PARP6: variants seen among roughly 807,000 people sequenced by gnomAD.
PARP6 encodes protein mono-ADP-ribosyltransferase PARP6.
In PARP6, 27 loss-of-function variants were observed where a neutral mutation model predicts 92.0. The observed-to-expected ratio is 0.29, with a 90% CI of 0.22 to 0.40. PARP6 has a LOEUF of 0.40. Ranked by LOEUF, PARP6 falls within the 10% of genes least tolerant of loss-of-function variation. The pLI, the probability that PARP6 is intolerant of heterozygous loss-of-function variation, is 1.00. For missense variants in PARP6, 501 were observed against 784.5 expected, an observed-to-expected ratio of 0.64 and a Z score of 4.32; for synonymous variants, 272 against 281.2, an observed-to-expected ratio of 0.97 and a Z score of 0.33.
At chr15:72,254,374 C>T (rs1043795508) in intron 15 of PARP6, 81 bp downstream of exon 15, 2 of 977,258 alleles carry the variant, frequency 2.0e-6, no homozygotes, top group South Asian at 1.3e-5. Context: ...AAATCTTCAT[C>T]CCACTCCCAC....
intron 17 of PARP6, 57 bp from the exon 18 acceptor site, chr15:72,251,011 AG>A (rs2084276926): frequency 7.6e-7 from 1 of 1,314,468 alleles, no homozygotes; most frequent in Non-Finnish European, 1.1e-6. Flanking sequence ...GAGATCAGGG[AG>A]GGAAGGGTTG....
At chr15:72,250,812 C>A (rs2084246465) in intron 18 of PARP6, 33 bp downstream of exon 18, 53 of 995,872 alleles carry the variant, frequency 5.3e-5, no homozygotes, top group Non-Finnish European at 7.2e-5. Context: ...CGCCCCCTCA[C>A]CACCCCCACT....
rs544659105 is a variant in PARP6 at position 72,256,146 on chromosome 15, C to T, written c.1125+319G>A. On this transcript the variant is annotated intron_variant, in intron 14 of 23. Transcript: ENST00000569795. ...GCAAAATAAATATTATCCCTTTTTA[C>T]AAGATAAGGAGATTGAAGTTTAGAA... 2.6e-5 allele frequency among the ~76,000 whole-genome samples: 4 copies of T among 152,112 alleles called. No individual in the cohort carries two copies. The South Asian group carries it at 8.3e-4, about 32-fold the overall frequency.
At chr15:72,264,390 T>C (rs2086289073) in intron 8 of PARP6, among the ~76,000 whole-genome samples, 165 bp downstream of exon 8, 1 of 152,212 alleles carries the variant, frequency 6.6e-6, no homozygotes, top group African/African-American at 2.4e-5. Flanking sequence ...CTCCACAAGC[T>C]TAAATCTGGC....
chr15:72,270,682 C>T (rs1417734836), intron 2 of PARP6, among the ~76,000 whole-genome samples: 1 of 152,216 alleles, frequency 6.6e-6, no homozygotes, highest in Non-Finnish European at 1.5e-5. Context: ...TCTTCCAGAT[C>T]TCTGCTCAAA....
intron 14 of PARP6, 152 bp downstream of exon 14, chr15:72,256,313 T>G: frequency 1.9e-6 from 1 of 534,650 alleles, no homozygotes; most frequent in Non-Finnish European, 3.0e-6. Context: ...TGTGTCAAAC[T>G]TGGCTATTTA....
chr15:72,271,896 CA>C (rs1204847044), intron 1 of PARP6, among the ~76,000 whole-genome samples: 6 of 152,184 alleles, frequency 3.9e-5, no homozygotes, highest in Admixed American at 2.0e-4. Context: ...GTCTGGATCA[CA>C]AAGGTCTTTC....
intron 2 of PARP6, among the ~76,000 whole-genome samples, chr15:72,268,959 AAAAAC>A (rs1210999507): frequency 6.6e-6 from 1 of 152,202 alleles, no homozygotes; most frequent in African/African-American, 2.4e-5. Flanking sequence ...CATATAGCAG[AAAAAC>A]AAAACAAAAC....
intron 2 of PARP6, among the ~76,000 whole-genome samples, chr15:72,269,917 AAG>A (rs1361606577): frequency 1.0e-3 from 138 of 133,330 alleles, no homozygotes; most frequent in Middle Eastern, 4.2e-3. Flanking sequence ...AAAAAAAAAA[AAG>A]AAAAAGAAAA....
At chr15:72,248,403 G>A (rs1460596487) in intron 20 of PARP6, among the ~76,000 whole-genome samples, 1 of 150,730 alleles carries the variant, frequency 6.6e-6, no homozygotes, top group African/African-American at 2.4e-5. Context: ...GTGCAGTGGT[G>A]CAATCTCAGC....
Position 72,242,494 on chromosome 15 carries a change from C to T in PARP6, c.1641+126G>A, listed in dbSNP as rs1015050896. The T allele has an allele frequency of 4.1e-6, 3 of 735,012 alleles. No homozygotes were observed. Among genetic ancestry groups the T allele is most frequent in the Non-Finnish European group, 7.3e-6 (3 of 411,728 alleles). 45.5% of individuals were successfully genotyped at this position (735,012 alleles called of 1,614,324 possible). Reference sequence around the variant, plus strand: ...AGACGTGTGTTCACTTTAGAACATACCTGACTCCTTTAAATGATCTCAAAT... The same window carrying T: ...AGACGTGTGTTCACTTTAGAACATATCTGACTCCTTTAAATGATCTCAAAT... On this transcript the variant is annotated intron_variant, in intron 21 of 23. Coordinates refer to ENST00000569795, the MANE Select transcript of PARP6 (RefSeq NM_001323532.2). The surrounding 1 kb of genome is among the most constrained non-coding windows in gnomAD (Gnocchi z 4.3).
intron 20 of PARP6, among the ~76,000 whole-genome samples, chr15:72,247,315 C>CAG (rs2140918438): frequency 6.6e-6 from 1 of 152,170 alleles, no homozygotes; most frequent in African/African-American, 2.4e-5. Flanking sequence ...CTAGGACTTA[C>CAG]AGGCACGCAC....
In PARP6 at chr15:72,251,250, A is replaced by G; in HGVS notation, c.1265T>C (p.Ile422Thr). Reference sequence around the variant, plus strand: ...GACAATGTGTGACCTGTTGCTAGAGATGATCCTGGGAAGAAACAGAAAAAA... The same window carrying G: ...GACAATGTGTGACCTGTTGCTAGAGGTGATCCTGGGAAGAAACAGAAAAAA... ...PLAHPLLQWI[I>T]SSNRSHIVKL... Residue 422 changes from isoleucine to threonine, a missense_variant, in exon 17 of 24, where the codon ATC becomes ACC. By Grantham distance (89) the Ile-to-Thr change is moderately conservative. Transcript: ENST00000569795. 6.3e-7 allele frequency: 1 copy of G among 1,587,900 alleles called. No individual in the cohort carries two copies.
In PARP6 at chr15:72,256,591, C is replaced by A; in HGVS notation, c.1000-1G>T. The A allele has an allele frequency of 6.5e-7, 1 of 1,537,338 alleles. No homozygotes were observed. Among genetic ancestry groups the A allele is most frequent in the African/African-American group, 1.4e-5 (1 of 70,634 alleles). On this transcript the variant is annotated splice_acceptor_variant, in intron 13 of 23. Coordinates refer to ENST00000569795, the MANE Select transcript of PARP6 (RefSeq NM_001323532.2). LOFTEE classifies it high-confidence loss of function. ...ACATGGCCACCAGCAGATCCACCAC[C>A]TTAGGGGAAAGGAAAAAAAACAGGG... is the stretch of plus-strand genomic sequence containing the variant.
intron 19 of PARP6, 152 bp downstream of exon 19, chr15:72,249,868 A>C (rs577335594): frequency 1.7e-6 from 1 of 603,900 alleles, no homozygotes; most frequent in East Asian, 2.8e-5. Context: ...TTCTCTATTC[A>C]TACAGTTCTA....
At chr15:72,251,893 C>G (rs1217754975) in intron 16 of PARP6, among the ~76,000 whole-genome samples, 2 of 152,206 alleles carry the variant, frequency 1.3e-5, no homozygotes, top group Non-Finnish European at 2.9e-5. Context: ...AGAGCACTAT[C>G]TCCCATGTGG....
Position 72,251,267 on chromosome 15 carries a change from C to A in PARP6, c.1260-12G>T, listed in dbSNP as rs1256417627. ...TGCTAGAGATGATCCTGGGAAGAAA[C>A]AGAAAAAAATAAAAAGGATAGAATA... On this transcript the variant is annotated splice_polypyrimidine_tract_variant and intron_variant, in intron 16 of 23. Coordinates refer to ENST00000569795, the MANE Select transcript of PARP6 (RefSeq NM_001323532.2). 1.9e-6 allele frequency: 3 copies of A among 1,546,606 alleles called. No homozygotes were observed. Among genetic ancestry groups the A allele is most frequent in the Admixed American group, 3.6e-5 (2 of 56,138 alleles).
intron 8 of PARP6, 40 bp from the exon 9 acceptor site, chr15:72,261,747 A>G: frequency 6.2e-7 from 1 of 1,602,926 alleles, no homozygotes; most frequent in Non-Finnish European, 8.5e-7. Flanking sequence ...AAGATGAGGC[A>G]GGGTCAAGAA....
At chr15:72,258,190 A>C (rs754417721) in intron 11 of PARP6, 58 bp from the exon 12 acceptor site, 1 of 1,315,284 alleles carries the variant, frequency 7.6e-7, no homozygotes, top group Non-Finnish European at 1.1e-6. Flanking sequence ...AGATATGGGA[A>C]ATAATTTCAG....
Sources: gnomAD v4.1 joint callset for allele counts (sites outside exome capture counted in the v4.1 genomes callset) on GRCh38, gnomAD v4.1.1 for gene constraint, Gnocchi (gnomAD v3.1) non-coding constraint, MANE v1.5 for transcripts, NCBI Gene and HGNC (gene_info 2026-07-23, HGNC 2026-07-21) for gene names.